Variants in DIP2C observed in about 807,000 individuals in gnomAD.
The protein encoded by DIP2C is disco-interacting protein 2 homolog C.
Under a neutral mutation model 192.4 loss-of-function variants are expected in DIP2C, and 33 were observed. That is an observed-to-expected ratio of 0.17 (90% CI 0.13 to 0.23). DIP2C has a LOEUF of 0.23. DIP2C is among the 10% of genes least tolerant of loss of function. DIP2C has a pLI of 1.00. For missense variants in DIP2C, 1,537 were observed against 2,110.1 expected, an observed-to-expected ratio of 0.73 and a Z score of 5.32; for synonymous variants, 979 against 864.1, an observed-to-expected ratio of 1.13 and a Z score of -2.33.
At chr10:568,623 A>G (rs56889364) in intron 1 of DIP2C, among the ~76,000 whole-genome samples, 26,160 of 151,248 alleles carry the variant, frequency 0.17, 3,179 homozygotes, top group African/African-American at 0.34. Context: ...AAAATTAGCC[A>G]GGCATGGTGG....
chr10:456,892 T>C (rs1184155303), intron 3 of DIP2C, among the ~76,000 whole-genome samples: 1 of 152,244 alleles, frequency 6.6e-6, no homozygotes, highest in Non-Finnish European at 1.5e-5. Flanking sequence ...CCTCACTCAT[T>C]CCTTCTCTAA....
At chr10:660,527 T>C (rs549253123) in intron 1 of DIP2C, among the ~76,000 whole-genome samples, 2 of 152,090 alleles carry the variant, frequency 1.3e-5, no homozygotes, top group Non-Finnish European at 1.5e-5. Context: ...AGATTCTAGC[T>C]CTTGTCCCTG....
intron 1 of DIP2C, among the ~76,000 whole-genome samples, chr10:610,349 G>C (rs575194463): frequency 3.9e-5 from 6 of 152,310 alleles, no homozygotes; most frequent in Non-Finnish European, 5.9e-5. Flanking sequence ...CAAACACACA[G>C]CCTGACAGGA....
intron 35 of DIP2C, among the ~76,000 whole-genome samples, chr10:281,636 C>G (rs904927484): frequency 1.3e-5 from 2 of 152,232 alleles, no homozygotes; most frequent in Non-Finnish European, 1.5e-5. Flanking sequence ...TCGGGAGCAA[C>G]TGAGGGGCGA....
At chr10:326,913 A>G in intron 31 of DIP2C, 93 bp downstream of exon 31, 1 of 1,448,032 alleles carries the variant, frequency 6.9e-7, no homozygotes, top group Non-Finnish European at 9.3e-7. Flanking sequence ...GTAGCTAAGC[A>G]TCAGCCGAGG....
chr10:327,213 C>G (rs190768791), intron 30 of DIP2C, 37 bp from the exon 31 acceptor site: 15 of 1,597,440 alleles, frequency 9.4e-6, no homozygotes, highest in Non-Finnish European at 1.3e-5. Flanking sequence ...TCAGCCCCCA[C>G]GTGTCGAGCT....
At chr10:549,533 C>T (rs11253134) in intron 1 of DIP2C, among the ~76,000 whole-genome samples, 5,262 of 152,230 alleles carry the variant, frequency 0.035, 137 homozygotes, top group Non-Finnish European at 0.052. Flanking sequence ...CCTGCTTGGG[C>T]GCCAGTGACT....
At chr10:493,472 T>C (rs1479009814) in intron 1 of DIP2C, among the ~76,000 whole-genome samples, 1 of 152,032 alleles carries the variant, frequency 6.6e-6, no homozygotes, top group South Asian at 2.1e-4. Context: ...AGGGGCAAGG[T>C]AGGGACAATG....
intron 32 of DIP2C, among the ~76,000 whole-genome samples, chr10:307,932 G>A (rs527534807): frequency 4.2e-3 from 631 of 150,636 alleles, no homozygotes; most frequent in Non-Finnish European, 7.3e-3. Context: ...GGCTTTGGGG[G>A]TGCCTGGGCG....
At position 375,958 on chromosome 10, in the gene DIP2C, C is replaced by A. The variant is rs193196507; in HGVS notation, c.1992-6325G>T. Among the ~76,000 whole-genome samples, 3 of 152,336 alleles carry A rather than the reference C, an allele frequency of 2.0e-5. No homozygotes were observed. The East Asian group carries it at 5.8e-4, about 29-fold the overall frequency. The stretch of plus-strand genomic sequence containing the variant: ...CACATTTAGAGAAGAAAGAGTTAAG[C>A]TGCAGGCCCCTCCTCCCCAGCAATC... On this transcript the variant is annotated intron_variant, in intron 17 of 36. Coordinates refer to ENST00000280886, the MANE Select transcript of DIP2C (RefSeq NM_014974.3).
rs1470149381 is a variant in DIP2C, at chr10:475,247, GC to G, written c.158-2699del. ...ATGTGTACAGCACCCATGGCTGTCC[GC>G]CGTGTCTGCATCTTGGCTTTCTCCA... is the stretch of plus-strand genomic sequence containing the variant. On this transcript the variant is annotated intron_variant, in intron 2 of 36. Transcript: ENST00000280886. Among the ~76,000 whole-genome samples, 4 of 152,288 alleles carry G rather than the reference GC, an allele frequency of 2.6e-5. No homozygotes were observed. The South Asian group carries it at 8.3e-4, about 32-fold the overall frequency.
Position 277,277 on chromosome 10 carries a change from A to G in DIP2C, c.*48T>C. The G allele has an allele frequency of 6.2e-7, 1 of 1,601,052 alleles. No individual in the cohort carries two copies. Reference sequence around the variant, plus strand: ...TCTGCACGCTTCAGTGGACACGGAGAACAATGTCTACATCTCTAGAAAAGT... The same window carrying G: ...TCTGCACGCTTCAGTGGACACGGAGGACAATGTCTACATCTCTAGAAAAGT... On this transcript the variant is annotated 3_prime_UTR_variant, in exon 37 of 37. Transcript: ENST00000280886.
chr10:407,619 G>A (rs1012597596), intron 9 of DIP2C, among the ~76,000 whole-genome samples: 12 of 152,100 alleles, frequency 7.9e-5, no homozygotes, highest in Non-Finnish European at 1.8e-4. Flanking sequence ...AGTAATTGCC[G>A]TGCTTCTCGG....
At chr10:520,253 G>A (rs992650123) in intron 1 of DIP2C, among the ~76,000 whole-genome samples, 18 of 152,070 alleles carry the variant, frequency 1.2e-4, no homozygotes, top group Admixed American at 5.9e-4. Flanking sequence ...AGGGAGGGCC[G>A]CGCTCTGGGC....
rs186231785 is a variant in DIP2C at position 618,740 on chromosome 10, G to A, written c.85+70754C>T. 9.8e-5 allele frequency among the ~76,000 whole-genome samples: 15 copies of A among 152,310 alleles called. No individual in the cohort carries two copies. The East Asian group carries it at 2.3e-3, about 23-fold the overall frequency. On this transcript the variant is annotated intron_variant, in intron 1 of 36. Coordinates refer to ENST00000280886, the MANE Select transcript of DIP2C (RefSeq NM_014974.3). ...GAGCCTCTGCCAGATCAGGATAAGTGCTTGGGACAATACCCCGTGACCTCG... is the reference window on the plus strand; with the variant it reads ...GAGCCTCTGCCAGATCAGGATAAGTACTTGGGACAATACCCCGTGACCTCG...
chr10:383,850 T>C (rs896880163), intron 16 of DIP2C, among the ~76,000 whole-genome samples, 177 bp downstream of exon 16: 20 of 151,834 alleles, frequency 1.3e-4, no homozygotes, highest in African/African-American at 4.1e-4. Context: ...TACTGTTTGG[T>C]GATTTTAAGA....
intron 31 of DIP2C, 95 bp downstream of exon 31, chr10:326,911 G>T (rs572518493): frequency 1.1e-5 from 16 of 1,427,704 alleles, no homozygotes; most frequent in Admixed American, 9.3e-5. Context: ...ATGTAGCTAA[G>T]CATCAGCCGA....
chr10:551,789 CTCAGAGCCAGGCTCT>C (rs1256746226), intron 1 of DIP2C, among the ~76,000 whole-genome samples: 1 of 152,224 alleles, frequency 6.6e-6, no homozygotes, highest in African/African-American at 2.4e-5. Context: ...CTCCAGGCTC[CTCAGAGCCAGGCTCT>C]GGGGTTCAAC....
At chr10:573,917 C>T (rs560503989) in intron 1 of DIP2C, among the ~76,000 whole-genome samples, 3 of 152,146 alleles carry the variant, frequency 2.0e-5, no homozygotes, top group Non-Finnish European at 4.4e-5. Flanking sequence ...CATGGACACA[C>T]CACCACATCA....
Sources: allele counts gnomAD v4.1 joint callset (sites outside exome capture counted in the v4.1 genomes callset), GRCh38; gene constraint gnomAD v4.1.1; transcripts MANE v1.5; gene names NCBI Gene and HGNC (gene_info 2026-07-23, HGNC 2026-07-21).